Variants in ZMYND11 observed in about 807,000 individuals in gnomAD.
ZMYND11 encodes zinc finger MYND domain-containing protein 11.
A neutral mutation model predicts 84.9 loss-of-function variants in ZMYND11; 9 were observed. The observed-to-expected ratio is 0.11, with a 90% CI of 0.06 to 0.18. The LOEUF (loss-of-function observed/expected upper bound fraction) is 0.18, where lower values mean the gene tolerates loss of function less well. Among genes scored for constraint, ZMYND11 ranks in the 10% least tolerant of loss-of-function variants. ZMYND11 has a pLI of 1.00. For missense variants in ZMYND11, 409 were observed against 761.0 expected, an observed-to-expected ratio of 0.54 and a Z score of 5.44; for synonymous variants, 250 against 244.1, an observed-to-expected ratio of 1.02 and a Z score of -0.23.
chr10:198,333 TA>T (rs1216896077), intron 2 of ZMYND11, among the ~76,000 whole-genome samples: 5 of 152,086 alleles, frequency 3.3e-5, no homozygotes, highest in Admixed American at 1.3e-4. Flanking sequence ...GATCAAAATC[TA>T]AAGTAATTAT....
intron 11 of ZMYND11, 87 bp from the exon 12 acceptor site, chr10:247,311 C>A: frequency 7.0e-7 from 1 of 1,420,842 alleles, no homozygotes; most frequent in Non-Finnish European, 9.8e-7. Flanking sequence ...GTATTCACTT[C>A]TCACCTGTGG....
chr10:244,327 G>T (rs1378817125), intron 10 of ZMYND11: 1 of 151,546 alleles, frequency 6.6e-6, no homozygotes, highest in Non-Finnish European at 1.5e-5. Context: ...ATGTAAATGG[G>T]AGGAAAAAAA....
At chr10:184,605 G>C (rs1848548858) in intron 2 of ZMYND11, among the ~76,000 whole-genome samples, 1 of 151,822 alleles carries the variant, frequency 6.6e-6, no homozygotes, top group African/African-American at 2.4e-5. Flanking sequence ...TTTTCTTCAT[G>C]TCTTTTCTCA....
At chr10:173,150 A>G (rs576352135) in intron 1 of ZMYND11, among the ~76,000 whole-genome samples, 1 of 152,210 alleles carries the variant, frequency 6.6e-6, no homozygotes, top group African/African-American at 2.4e-5. Flanking sequence ...CTCTTAGGCA[A>G]TAGCATAGGA....
At chr10:148,417 TC>T (rs1252903012) in intron 1 of ZMYND11, 16 of 152,202 alleles carry the variant, frequency 1.1e-4, no homozygotes, top group Non-Finnish European at 2.1e-4. Context: ...AGTCTTAACT[TC>T]CTTTGCTCTG....
intron 10 of ZMYND11, among the ~76,000 whole-genome samples, chr10:243,733 T>C (rs900855432): frequency 6.6e-6 from 1 of 152,108 alleles, no homozygotes; most frequent in Non-Finnish European, 1.5e-5. Context: ...TGCGTGGTGG[T>C]GTGTGCCTGT....
intron 12 of ZMYND11, 69 bp from the exon 13 acceptor site, chr10:248,267 T>C: frequency 1.3e-6 from 2 of 1,542,362 alleles, no homozygotes; most frequent in Non-Finnish European, 1.8e-6. Flanking sequence ...TTTATCCGAA[T>C]GGGGTAGTTC....
intron 10 of ZMYND11, among the ~76,000 whole-genome samples, chr10:243,357 AAC>A (rs1448585750): frequency 2.0e-5 from 3 of 152,252 alleles, no homozygotes; most frequent in East Asian, 3.8e-4. Context: ...CATTAAATAA[AAC>A]ACAGTTAACT....
intron 4 of ZMYND11, among the ~76,000 whole-genome samples, chr10:230,525 C>T (rs1251258954): frequency 6.7e-6 from 1 of 150,250 alleles, no homozygotes; most frequent in Non-Finnish European, 1.5e-5. Flanking sequence ...GGTTCTACCC[C>T]AGACAGGCTC....
chr10:177,552 C>G (rs1554767217), intron 1 of ZMYND11, among the ~76,000 whole-genome samples: 1 of 152,128 alleles, frequency 6.6e-6, no homozygotes, highest in African/African-American at 2.4e-5. Flanking sequence ...GTTTCTGCTA[C>G]TTAGTCCCCA....
rs186332003 is a variant in ZMYND11 at position 214,917 on chromosome 10, G to A, written c.276+4869G>A. Among the ~76,000 whole-genome samples, 16 of 152,200 alleles carry A rather than the reference G, an allele frequency of 1.1e-4. 1 individual carries two copies. Among genetic ancestry groups the A allele is most frequent in the African/African-American group, 3.6e-4 (15 of 41,524 alleles). On this transcript the variant is annotated intron_variant, in intron 3 of 14. Coordinates refer to ENST00000381604, the MANE Select transcript of ZMYND11 (RefSeq NM_001370100.5). ...TGATAAATATAAGTTAATATCTTAC[G>A]AGTTATACTCTTAAGCAATAAGATA...
At chr10:232,167 CTCTT>C (rs1949114034) in intron 4 of ZMYND11, among the ~76,000 whole-genome samples, 1 of 152,194 alleles carries the variant, frequency 6.6e-6, no homozygotes, top group Admixed American at 6.5e-5. Flanking sequence ...CAGAAGCTAC[CTCTT>C]TCTTAGTTGT....
At chr10:243,037 G>GGATGGTTTCA (rs1482743110) in intron 10 of ZMYND11, among the ~76,000 whole-genome samples, 4 of 152,016 alleles carry the variant, frequency 2.6e-5, no homozygotes, top group Non-Finnish European at 5.9e-5. Context: ...CATCATACTC[G>GGATGGTTTCA]GATGGTTTCA....
Position 248,994 on chromosome 10 carries a change from T to G in ZMYND11, c.1592T>G (p.Val531Gly). ...QGEMDRKCKQ[V>G]KEKCKEEFVE... ...GAGATGGACAGAAAATGTAAGCAAG[T>G]AAAGGAAAAGTGTAAGGAAGAATTT... Residue 531 changes from valine to glycine, a missense_variant, in exon 14 of 15, where the codon GTA becomes GGA. This residue lies in a region of ZMYND11 where 141 missense variants were observed against 173.8 expected (regional missense o/e 0.81). Transcript: ENST00000381604. 6.2e-7 allele frequency: 1 copy of G among 1,614,050 alleles called. No homozygotes were observed. Among genetic ancestry groups the G allele is most frequent in the Non-Finnish European group, 8.5e-7 (1 of 1,180,014 alleles).
At chr10:171,355 TAGC>T (rs1376577338) in intron 1 of ZMYND11, among the ~76,000 whole-genome samples, 1 of 152,150 alleles carries the variant, frequency 6.6e-6, no homozygotes, top group Non-Finnish European at 1.5e-5. Flanking sequence ...TATTCAATAA[TAGC>T]AGATCACACG....
intron 2 of ZMYND11, among the ~76,000 whole-genome samples, chr10:206,861 C>A (rs1042886890): frequency 4.0e-5 from 6 of 151,654 alleles, no homozygotes; most frequent in African/African-American, 1.5e-4. Flanking sequence ...TATTATTATA[C>A]TTTAAGTTTT....
At chr10:136,005 A>G (rs1233765603) in intron 1 of ZMYND11, among the ~76,000 whole-genome samples, 44 of 150,604 alleles carry the variant, frequency 2.9e-4, no homozygotes, top group African/African-American at 1.0e-3. Flanking sequence ...TGGCGGGCGG[A>G]GAGGAAGCGT....
intron 3 of ZMYND11, among the ~76,000 whole-genome samples, chr10:216,511 GT>G (rs1420952732): frequency 2.6e-5 from 4 of 152,130 alleles, no homozygotes; most frequent in Non-Finnish European, 5.9e-5. Context: ...AGGTGTATAT[GT>G]TTATGGGGTG....
At chr10:210,390 A>G (rs1351433810) in intron 3 of ZMYND11, among the ~76,000 whole-genome samples, 1 of 152,254 alleles carries the variant, frequency 6.6e-6, no homozygotes, top group Non-Finnish European at 1.5e-5. Flanking sequence ...TGTTGATGCC[A>G]TCTAGACAGA....
Sources: gnomAD v4.1 joint callset for allele counts (sites outside exome capture counted in the v4.1 genomes callset) on GRCh38, gnomAD v4.1.1 for gene constraint, gnomAD v4.1.1 regional missense constraint, MANE v1.5 for transcripts, NCBI Gene and HGNC (gene_info 2026-07-23, HGNC 2026-07-21) for gene names.